PIWIL1: variants seen among roughly 807,000 people sequenced by gnomAD.
The protein encoded by PIWIL1 is piwi like RNA-mediated gene silencing 1, also known as piwi-like protein 1.
In PIWIL1, 73 loss-of-function variants were observed where a neutral mutation model predicts 114.4. That is an observed-to-expected ratio of 0.64 (90% CI 0.53 to 0.78). The LOEUF (loss-of-function observed/expected upper bound fraction) is 0.78, where lower values mean the gene tolerates loss of function less well. Among genes scored for constraint, PIWIL1 ranks in the 30% least tolerant of loss-of-function variants. The pLI, the probability that PIWIL1 is intolerant of heterozygous loss-of-function variation, is 0.00. For missense variants in PIWIL1, 723 were observed against 1,063.1 expected (o/e 0.68, Z 4.45); for synonymous variants, 375 against 369.0 (o/e 1.02, Z -0.19).
chr12:130,361,191 G>A lies in PIWIL1; in HGVS notation c.1677G>A (p.Leu559=). Residue 559 remains leucine (L), a synonymous_variant, in exon 15 of 21, where the codon CTG becomes CTA. Transcript: ENST00000245255. ...CACTTTGTTTTCAGGTTGTCTGTCT[G>A]TTGTCAAGTAATCGGAAGGACAAAT... ...VTADTQIVVC[L]LSSNRKDKYD... The A allele has an allele frequency of 6.2e-7, 1 of 1,614,140 alleles. No individual in the cohort carries two copies. The highest frequency in any genetic ancestry group is 1.3e-5 in the African/African-American group (1 of 75,046).
At chr12:130,369,734 G>GT (rs551978256) in intron 19 of PIWIL1, among the ~76,000 whole-genome samples, 39 of 150,812 alleles carry the variant, frequency 2.6e-4, no homozygotes, top group Admixed American at 1.3e-3. Flanking sequence ...ACTTTTTAAT[G>GT]TTTTTTTTTC....
At chr12:130,393,581 CGT>C in the PIWIL1 span, among the ~76,000 whole-genome samples, 2 of 152,276 alleles carry the variant, frequency 1.3e-5, no homozygotes, top group South Asian at 4.1e-4. Flanking sequence ...ACCATCCTCA[CGT>C]GTGTGTGTCA....
chr12:130,402,146 G>A, the PIWIL1 span, among the ~76,000 whole-genome samples: 2 of 152,172 alleles, frequency 1.3e-5, no homozygotes, highest in Non-Finnish European at 2.9e-5. Context: ...CTACCACTGC[G>A]TGCTACTGCG....
At chr12:130,394,065 G>T in the PIWIL1 span, among the ~76,000 whole-genome samples, 1 of 152,196 alleles carries the variant, frequency 6.6e-6, no homozygotes, top group Non-Finnish European at 1.5e-5. Flanking sequence ...ATGCATGTGG[G>T]TGGAAAGCCT....
chr12:130,392,921 C>G, the PIWIL1 span, among the ~76,000 whole-genome samples: 16 of 26,594 alleles, frequency 6.0e-4, 2 homozygotes, highest in Non-Finnish European at 7.9e-4. Flanking sequence ...CATCACGTGT[C>G]TGTCAGTTAC....
At chr12:130,425,083 C>G in the PIWIL1 span, 3 of 386,542 alleles carry the variant, frequency 7.8e-6, no homozygotes, top group Non-Finnish European at 9.1e-6. Context: ...AGAGCACACG[C>G]AGAGCCAGCG....
chr12:130,401,451 A>C, the PIWIL1 span, among the ~76,000 whole-genome samples: 1 of 151,934 alleles, frequency 6.6e-6, no homozygotes, highest in Non-Finnish European at 1.5e-5. Flanking sequence ...TTATCACAAA[A>C]ATTAATTGGA....
At chr12:130,372,865 T>G (rs2073839231), downstream of PIWIL1, among the ~76,000 whole-genome samples, 1 of 152,140 alleles carries the variant, frequency 6.6e-6, no homozygotes, top group African/African-American at 2.4e-5. Flanking sequence ...AATTAATGAA[T>G]TATTGTAAAT....
At chr12:130,339,726 C>G (rs868438438) in intron 1 of PIWIL1, 1 of 152,196 alleles carries the variant, frequency 6.6e-6, no homozygotes, top group Admixed American at 6.5e-5. Context: ...CACAGCGCGC[C>G]GCCGTGGGTT....
At chr12:130,366,036 C>T (rs2073646089) in intron 18 of PIWIL1, among the ~76,000 whole-genome samples, 1 of 152,212 alleles carries the variant, frequency 6.6e-6, no homozygotes, top group Admixed American at 6.5e-5. Flanking sequence ...TGAAAAACAT[C>T]AGCAACATTG....
the PIWIL1 span, chr12:130,424,330 CA>C: frequency 8.1e-7 from 1 of 1,232,004 alleles, no homozygotes; most frequent in Non-Finnish European, 1.0e-6. The surrounding 1 kb of genome is among the most constrained non-coding windows in gnomAD (Gnocchi z 9.8). Flanking sequence ...AGGAGGCCAC[CA>C]GGGCCCACCT....
chr12:130,392,981 TGC>T, the PIWIL1 span, among the ~76,000 whole-genome samples: 838 of 146,848 alleles, frequency 5.7e-3, no homozygotes, highest in East Asian at 0.014. Flanking sequence ...ATCACGTGTG[TGC>T]GTCAGTTACC....
the PIWIL1 span, chr12:130,399,589 C>A: frequency 6.8e-7 from 1 of 1,465,524 alleles, no homozygotes. Context: ...CTTTTCGGCC[C>A]AAGATATAAA....
chr12:130,367,905 C>A (rs2073710635), intron 19 of PIWIL1, among the ~76,000 whole-genome samples: 1 of 152,188 alleles, frequency 6.6e-6, no homozygotes. Flanking sequence ...TCAAGGAATT[C>A]TCATGCCGTA....
Position 130,371,563 on chromosome 12 carries a change from A to G in PIWIL1, c.2551A>G (p.Asn851Asp). The G allele has an allele frequency of 6.2e-7, 1 of 1,613,982 alleles. No individual in the cohort carries two copies. Among genetic ancestry groups the G allele is most frequent in the East Asian group, 2.2e-5 (1 of 44,882 alleles). The change falls in exon 21 of 21, where the codon AAT becomes GAT. Residue 851 changes from asparagine to aspartate, a missense_variant. By Grantham distance (23) the Asn-to-Asp change is conservative. This residue lies in a region of PIWIL1 where 106 missense variants were observed against 182.8 expected (regional missense o/e 0.58). Coordinates refer to ENST00000245255, the MANE Select transcript of PIWIL1 (RefSeq NM_004764.5). ...LVGQSIHREP[N>D]LSLSNRLYYL ...TGGCCAGAGTATTCACAGAGAGCCA[A>G]ATCTGTCACTGTCAAACCGCCTTTA...
chr12:130,423,341 C>G, the PIWIL1 span, among the ~76,000 whole-genome samples: 1 of 152,210 alleles, frequency 6.6e-6, no homozygotes, highest in African/African-American at 2.4e-5. Context: ...GCGGCTGAGT[C>G]ACTGAGGCAC....
chr12:130,357,545 A>G lies in PIWIL1; in HGVS notation c.1657A>G (p.Thr553Ala). ...RVLQQKVTAD[T>A]QIVVCLLSSN... ...CTTACAGCAAAAGGTCACAGCAGAC[A>G]CCCAGATAGTAAGTAACTAATTGAC... is the stretch of plus-strand genomic sequence containing the variant. Residue 553 changes from threonine to alanine, a missense_variant, in exon 14 of 21, where the codon ACC becomes GCC. By Grantham distance (58) the Thr-to-Ala change is moderately conservative. Around this residue, in one of 8 missense-constraint regions of PIWIL1, gnomAD observed 298 missense variants for 420.8 expected, o/e 0.71. Transcript: ENST00000245255. 1 of 1,609,034 alleles carries G rather than the reference A, an allele frequency of 6.2e-7. No individual in the cohort carries two copies. Among genetic ancestry groups the G allele is most frequent in the Admixed American group, 1.7e-5 (1 of 59,996 alleles).
At chr12:130,418,316 G>A in the PIWIL1 span, among the ~76,000 whole-genome samples, 1 of 152,146 alleles carries the variant, frequency 6.6e-6, no homozygotes, top group South Asian at 2.1e-4. Flanking sequence ...TTTGTTGATA[G>A]TCCATGAAAA....
the PIWIL1 span, among the ~76,000 whole-genome samples, chr12:130,415,881 A>ATC: frequency 6.6e-6 from 1 of 152,236 alleles, no homozygotes; most frequent in African/African-American, 2.4e-5. Flanking sequence ...CAATGTATAA[A>ATC]AATCAGTAGC....
Sources: gnomAD v4.1 joint callset for allele counts (sites outside exome capture counted in the v4.1 genomes callset) on GRCh38, gnomAD v4.1.1 for gene constraint, gnomAD v4.1.1 regional missense constraint, Gnocchi (gnomAD v3.1) non-coding constraint, MANE v1.5 for transcripts, NCBI Gene and HGNC (gene_info 2026-07-23, HGNC 2026-07-21) for gene names.